DOCK8: variants seen among roughly 807,000 people sequenced by gnomAD.
The protein encoded by DOCK8 is dedicator of cytokinesis protein 8.
Under a neutral mutation model 245.6 loss-of-function variants are expected in DOCK8, and 141 were observed. That is an observed-to-expected ratio of 0.57 (90% CI 0.50 to 0.66). The LOEUF is 0.66. DOCK8 is among the 30% of genes least tolerant of loss of function. The probability of loss-of-function intolerance (pLI) is 0.00; values close to 1 mark genes in which losing one functional copy is unlikely to be tolerated. For synonymous variants in DOCK8, 1,168 were observed against 970.2 expected, an observed-to-expected ratio of 1.20 and a Z score of -3.79; for missense variants, 2,965 against 2,603.4, an observed-to-expected ratio of 1.14 and a Z score of -3.02.
At chr9:386,744 T>G (rs1247642619) in intron 23 of DOCK8, among the ~76,000 whole-genome samples, 1 of 151,602 alleles carries the variant, frequency 6.6e-6, no homozygotes, top group Non-Finnish European at 1.5e-5. Flanking sequence ...GAATTTGCAT[T>G]TCTAACAAGT....
At chr9:216,547 A>AAAAAAAAAAAAAAAAAC in intron 1 of DOCK8, among the ~76,000 whole-genome samples, 1 of 151,208 alleles carries the variant, frequency 6.6e-6, no homozygotes, top group South Asian at 2.1e-4. Flanking sequence ...CAAAAAAAAA[A>AAAAAAAAAAAAAAAAAC]AAAAAAAAGC....
At position 399,159 on chromosome 9, in the gene DOCK8, C is replaced by G. The variant is rs755658263; in HGVS notation, c.3134C>G (p.Ala1045Gly). The G allele has an allele frequency of 1.9e-6, 3 of 1,613,820 alleles. No individual in the cohort carries two copies. The highest frequency in any genetic ancestry group is 2.2e-5 in the South Asian group (2 of 91,080). Residue 1045 changes from alanine (A) to glycine (G), a missense_variant, in exon 26 of 48, where the codon GCG becomes GGG. Around this residue, in one of 3 missense-constraint regions of DOCK8, gnomAD observed 2,825 missense variants for 2,453.5 expected, o/e 1.15. Coordinates refer to ENST00000432829, the MANE Select transcript of DOCK8 (RefSeq NM_203447.4). ...TTTGTTTTTAAGGAAAATGAACAGG[C>G]GGAAAAGATGAACATCAGCCTGGCT... ...LVKPQKENEQ[A>G]EKMNISLAFF...
chr9:447,216 G>A (rs574971167), intron 44 of DOCK8, among the ~76,000 whole-genome samples: 2 of 152,132 alleles, frequency 1.3e-5, no homozygotes, highest in African/African-American at 4.8e-5. Context: ...TAAAAGGACT[G>A]GTCAAGAAGG....
chr9:400,334 C>CAT (rs1564013461), intron 26 of DOCK8, among the ~76,000 whole-genome samples: 5 of 54,790 alleles, frequency 9.1e-5, no homozygotes, highest in Non-Finnish European at 1.7e-4. Context: ...ACCACCACCA[C>CAT]CTCCTCCACC....
At chr9:400,294 A>ACCT (rs1229175002) in intron 26 of DOCK8, among the ~76,000 whole-genome samples, 1 of 72,662 alleles carries the variant, frequency 1.4e-5, no homozygotes, top group Non-Finnish European at 2.6e-5. Context: ...CTTCACCACC[A>ACCT]CCACCATCTT....
chr9:387,262 G>A (rs35210000), intron 23 of DOCK8, among the ~76,000 whole-genome samples: 32,459 of 151,944 alleles, frequency 0.21, 3,850 homozygotes, highest in Middle Eastern at 0.28. Context: ...TGGCCAACAT[G>A]GTGAAACCCC....
rs61394380 is a variant in DOCK8, at chr9:283,702, C to G, written c.157-2759C>G. The stretch of plus-strand genomic sequence containing the variant: ...AGATAATGGCCTCCAGTTCCATCCA[C>G]GTTGCTGCAAGAGACATGATTTCAT... On this transcript the variant is annotated intron_variant, in intron 2 of 47. Coordinates refer to ENST00000432829, the MANE Select transcript of DOCK8 (RefSeq NM_203447.4). Among the ~76,000 whole-genome samples, 4 of 152,046 alleles carry G rather than the reference C, an allele frequency of 2.6e-5. No homozygotes were observed. The East Asian group carries it at 7.7e-4, about 29-fold the overall frequency.
chr9:240,966 C>A (rs1278693909), intron 1 of DOCK8, among the ~76,000 whole-genome samples: 1 of 152,040 alleles, frequency 6.6e-6, no homozygotes, highest in Non-Finnish European at 1.5e-5. Flanking sequence ...TTCCTCTTAT[C>A]TTTTAGAAAA....
At chr9:370,405 G>C (rs186166519) in intron 16 of DOCK8, 105 bp downstream of exon 16, 2 of 974,566 alleles carry the variant, frequency 2.1e-6, no homozygotes, top group South Asian at 1.3e-5. Flanking sequence ...TATAATTCAG[G>C]GACTGAGGGG....
chr9:241,905 C>T (rs2047382213), intron 1 of DOCK8, among the ~76,000 whole-genome samples: 1 of 152,206 alleles, frequency 6.6e-6, no homozygotes, highest in Non-Finnish European at 1.5e-5. Context: ...TGAGCCACAG[C>T]ACCTGGCATG....
intron 36 of DOCK8, 68 bp downstream of exon 36, chr9:429,922 G>GA (rs1039160853): frequency 7.0e-6 from 11 of 1,573,594 alleles, no homozygotes; most frequent in East Asian, 2.3e-5. Context: ...CATCAGCTGC[G>GA]AAAAAAAATA....
chr9:346,571 T>C lies in DOCK8; in HGVS notation c.1679+6250T>C, dbSNP rs139471787. Among the ~76,000 whole-genome samples the C allele has an allele frequency of 5.0e-3, 759 of 152,280 alleles. 7 individuals are homozygous for C. Among genetic ancestry groups the C allele is most frequent in the African/African-American group, 0.017 (718 of 41,538 alleles). On this transcript the variant is annotated intron_variant, in intron 14 of 47. Coordinates refer to ENST00000432829, the MANE Select transcript of DOCK8 (RefSeq NM_203447.4). ...AGCCTCTGAGGTCTTGTTTATCCAATTATCAGACTTGCTGTGGAGGACGGT... is the reference window on the plus strand; with the variant it reads ...AGCCTCTGAGGTCTTGTTTATCCAACTATCAGACTTGCTGTGGAGGACGGT...
At chr9:286,345 C>T in intron 2 of DOCK8, 116 bp from the exon 3 acceptor site, 1 of 1,185,872 alleles carries the variant, frequency 8.4e-7, no homozygotes, top group South Asian at 1.4e-5. Flanking sequence ...CGTTTTATGC[C>T]AGGAGCGAAG....
intron 1 of DOCK8, among the ~76,000 whole-genome samples, chr9:259,349 A>G (rs951916629): frequency 1.3e-5 from 2 of 152,190 alleles, no homozygotes; most frequent in Admixed American, 6.5e-5. Flanking sequence ...CATAACTGTG[A>G]ATAGTAGTAT....
Position 355,192 on chromosome 9 carries a change from CT to C in DOCK8, c.1680-12796del, listed in dbSNP as rs749045514. Among the ~76,000 whole-genome samples, 48 of 121,068 alleles carry C rather than the reference CT, an allele frequency of 4.0e-4. 3 individuals carry two copies. The highest frequency in any genetic ancestry group is 9.5e-4 in the African/African-American group (29 of 30,492). 79.4% of individuals were successfully genotyped at this position (121,068 alleles called of 152,430 possible). A position where few individuals can be genotyped will look rare whatever the true frequency, so the allele number is the denominator to read the frequency against. On this transcript the variant is annotated intron_variant, in intron 14 of 47. Transcript: ENST00000432829. ...AGACTGGTGTATTTCTGTTTCTTTTCTTTTTTTTTTTTTTTTTTTTTTTTTT... is the reference window on the plus strand; with the variant it reads ...AGACTGGTGTATTTCTGTTTCTTTTCTTTTTTTTTTTTTTTTTTTTTTTTT...
intron 4 of DOCK8, among the ~76,000 whole-genome samples, chr9:290,079 A>G (rs1416147870): frequency 1.3e-5 from 2 of 152,198 alleles, no homozygotes; most frequent in African/African-American, 4.8e-5. Flanking sequence ...TTATTGCTGA[A>G]TAATCTTTCA....
intron 44 of DOCK8, among the ~76,000 whole-genome samples, chr9:448,316 C>G (rs1245343619): frequency 3.3e-5 from 5 of 152,140 alleles, no homozygotes; most frequent in Non-Finnish European, 7.3e-5. Flanking sequence ...CTTTGTTGCC[C>G]AGTCTGGTCT....
At chr9:430,778 G>A (rs2056679689) in intron 36 of DOCK8, among the ~76,000 whole-genome samples, 1 of 152,130 alleles carries the variant, frequency 6.6e-6, no homozygotes, top group African/African-American at 2.4e-5. Context: ...AGTGTTTCCT[G>A]TTTCTAAATT....
At chr9:350,877 C>G (rs928620376) in intron 14 of DOCK8, among the ~76,000 whole-genome samples, 6 of 152,210 alleles carry the variant, frequency 3.9e-5, no homozygotes, top group Admixed American at 3.9e-4. Context: ...AGGATCAGAG[C>G]TGTGGACCCC....
Sources: gnomAD v4.1 joint callset for allele counts (sites outside exome capture counted in the v4.1 genomes callset) on GRCh38, gnomAD v4.1.1 for gene constraint, gnomAD v4.1.1 regional missense constraint, MANE v1.5 for transcripts, NCBI Gene and HGNC (gene_info 2026-07-23, HGNC 2026-07-21) for gene names.